The following SLC11A2 variants were observed in gnomAD, a reference collection of about 807,000 sequenced individuals.
The protein encoded by SLC11A2 is solute carrier family 11 member 2, also known as natural resistance-associated macrophage protein 2.
In SLC11A2, 38 loss-of-function variants were observed where a neutral mutation model predicts 68.0. The ratio of observed to expected loss-of-function variants is 0.56; its 90% CI spans 0.43 to 0.73. The LOEUF (loss-of-function observed/expected upper bound fraction) is 0.73, where lower values mean the gene tolerates loss of function less well. SLC11A2 is among the 30% of genes least tolerant of loss of function. The pLI, the probability that SLC11A2 is intolerant of heterozygous loss-of-function variation, is 0.00. For missense variants in SLC11A2, 517 were observed against 690.5 expected (o/e 0.75, Z 2.82); for synonymous variants, 242 against 250.6 (o/e 0.97, Z 0.32).
chr12:50,993,992 C>CAAAAAAAAAAAAAAAAAAAAAAAAA (rs71663850), intron 11 of SLC11A2, among the ~76,000 whole-genome samples: 6 of 48,400 alleles, frequency 1.2e-4, no homozygotes, highest in Admixed American at 3.3e-4. Flanking sequence ...ACCTTGTCTC[C>CAAAAAAAAAAAAAAAAAAAAAAAAA]AAAAAAAAAA....
chr12:50,997,146 C>T (rs144284438), intron 8 of SLC11A2, among the ~76,000 whole-genome samples, 174 bp from the exon 9 acceptor site: 23 of 152,218 alleles, frequency 1.5e-4, no homozygotes, highest in Middle Eastern at 3.4e-3. Flanking sequence ...GGCATGATCA[C>T]AGCTCACTGA....
At chr12:50,980,835 A>G (rs1592282947), downstream of SLC11A2, 1 of 152,320 alleles carries the variant, frequency 6.6e-6, no homozygotes, top group African/African-American at 2.4e-5. Flanking sequence ...AAGAAGATAA[A>G]TATCTTCACT....
downstream of SLC11A2, among the ~76,000 whole-genome samples, chr12:50,976,480 A>G (rs1279396494): frequency 6.6e-6 from 1 of 152,232 alleles, no homozygotes; most frequent in East Asian, 1.9e-4. Flanking sequence ...TTAGGTATTG[A>G]TGGGATGTAT....
chr12:51,007,290 G>C (rs752336048), intron 3 of SLC11A2, among the ~76,000 whole-genome samples: 3 of 152,090 alleles, frequency 2.0e-5, no homozygotes, highest in Non-Finnish European at 4.4e-5. Flanking sequence ...ACTCATATTT[G>C]GCTCAGAATA....
chr12:51,012,968 C>A (rs968135047), intron 1 of SLC11A2, among the ~76,000 whole-genome samples: 1 of 152,184 alleles, frequency 6.6e-6, no homozygotes, highest in African/African-American at 2.4e-5. Context: ...CACAGCACAG[C>A]CCCGACGTTC....
At chr12:50,982,687 T>C (rs112232141), downstream of SLC11A2, among the ~76,000 whole-genome samples, 2,823 of 152,176 alleles carry the variant, frequency 0.019, 76 homozygotes, top group African/African-American at 0.064. Flanking sequence ...CTCATGCCTG[T>C]AATCCCAGCA....
At position 50,986,604 on chromosome 12, in the gene SLC11A2, A is replaced by G. The variant is rs1045371340; in HGVS notation, c.*1721T>C. On this transcript the variant is annotated 3_prime_UTR_variant, in exon 16 of 16. Coordinates refer to ENST00000262052, the MANE Select transcript of SLC11A2 (RefSeq NM_000617.3). ...TTTTGTCGTCAGTTTGGCCTTTCCT[A>G]CTGCAGCCAGGTGAGAGCTTAAGAT... is the stretch of plus-strand genomic sequence containing the variant. The G allele has an allele frequency of 6.2e-6, 8 of 1,286,648 alleles. No individual in the cohort carries two copies. In the African/African-American group the frequency reaches 1.2e-4, roughly 20 times the overall value. The allele number at this position is 1,286,648 out of a possible 1,614,324, so 79.7% of individuals were successfully genotyped here.
downstream of SLC11A2, among the ~76,000 whole-genome samples, chr12:50,974,424 C>G (rs1288029156): frequency 6.6e-6 from 1 of 152,184 alleles, no homozygotes; most frequent in Non-Finnish European, 1.5e-5. Flanking sequence ...AAATACTTTA[C>G]AGACAAGCAA....
At chr12:51,025,607 A>C (rs974946391) in intron 1 of SLC11A2, 2 of 312,600 alleles carry the variant, frequency 6.4e-6, no homozygotes, top group African/African-American at 2.3e-5. Context: ...TGTCACATTT[A>C]AGCGGTAGCT....
chr12:50,992,940 C>T lies in SLC11A2; in HGVS notation c.1078-11G>A. 6.2e-7 allele frequency: 1 copy of T among 1,613,752 alleles called. No individual in the cohort carries two copies. The highest frequency in any genetic ancestry group is 1.1e-5 in the South Asian group (1 of 91,076). ...TCCCAGCACAACACCCTGTGAGAGG[C>T]CAAGAGGAAGGATATGATTGTGGCA... On this transcript the variant is annotated splice_polypyrimidine_tract_variant and intron_variant, in intron 11 of 15. Transcript: ENST00000262052.
At chr12:50,994,977 A>G (rs1194985243) in intron 10 of SLC11A2, 1 of 327,370 alleles carries the variant, frequency 3.1e-6, no homozygotes, top group East Asian at 8.1e-5. Context: ...CAGACAGAGG[A>G]GTCAGAGGTT....
At chr12:51,009,011 T>G (rs1447924228) in intron 2 of SLC11A2, 1 of 731,232 alleles carries the variant, frequency 1.4e-6, no homozygotes, top group Non-Finnish European at 2.3e-6. Flanking sequence ...AAATATCATA[T>G]TCCCAGACCA....
downstream of SLC11A2, among the ~76,000 whole-genome samples, chr12:50,974,913 AG>A (rs1356809439): frequency 6.6e-6 from 1 of 152,364 alleles, no homozygotes; most frequent in East Asian, 1.9e-4. Flanking sequence ...ATAATGGTAA[AG>A]GGATCAATTC....
At chr12:51,024,384 A>C (rs1944242928) in intron 1 of SLC11A2, 1 of 152,272 alleles carries the variant, frequency 6.6e-6, no homozygotes, top group South Asian at 2.1e-4. Flanking sequence ...AATGAAAGTC[A>C]AACAAGAAAG....
At chr12:50,952,736 T>C in the SLC11A2 span, among the ~76,000 whole-genome samples, 1 of 152,188 alleles carries the variant, frequency 6.6e-6, no homozygotes, top group Non-Finnish European at 1.5e-5. Context: ...CGGGCTCTCA[T>C]CGCCTCAGCC....
In SLC11A2 at chr12:51,008,522, T is replaced by C; in HGVS notation, c.137A>G (p.Tyr46Cys). The change falls in exon 3 of 16, where the codon TAC becomes TGC. Residue 46 changes from tyrosine to cysteine, a missense_variant. Transcript: ENST00000262052. ...CTTCTCATTAAAGTAAGTGGCGAAG[T>C]ACTCCTCTGAGTCCCCAGGGGACTG... ...LSQSPGDSEE[Y>C]FATYFNEKIS... The C allele has an allele frequency of 6.2e-7, 1 of 1,613,166 alleles. No homozygotes were observed.
downstream of SLC11A2, among the ~76,000 whole-genome samples, chr12:50,976,475 T>C (rs1201876896): frequency 1.3e-5 from 2 of 152,164 alleles, no homozygotes; most frequent in African/African-American, 4.8e-5. Context: ...ATAAATTAGG[T>C]ATTGATGGGA....
chr12:50,991,081 C>G, intron 14 of SLC11A2, 133 bp from the exon 15 acceptor site: 2 of 836,568 alleles, frequency 2.4e-6, no homozygotes, highest in East Asian at 5.2e-5. Context: ...AAAAATGATT[C>G]TTCATAAGTC....
rs1271498260 is a variant in SLC11A2 at position 51,004,857 on chromosome 12, C to T, written c.360G>A (p.Arg120=). The T allele has an allele frequency of 4.3e-6, 7 of 1,613,998 alleles. No individual in the cohort carries two copies. Among genetic ancestry groups the T allele is most frequent in the Non-Finnish European group, 5.9e-6 (7 of 1,179,970 alleles). ...TAACCACTCCCAGTCTAGCTGCAAG[C>T]CGCTGGAGCAGCAGCCCCACAAGGG... The part of the protein sequence containing the change: ...LATLVGLLLQ[R]LAARLGVVTG... Residue 120 remains arginine (R), a synonymous_variant, in exon 5 of 16, where the codon CGG becomes CGA. Coordinates refer to ENST00000262052, the MANE Select transcript of SLC11A2 (RefSeq NM_000617.3).
Sources: allele counts gnomAD v4.1 joint callset (sites outside exome capture counted in the v4.1 genomes callset), GRCh38; gene constraint gnomAD v4.1.1; transcripts MANE v1.5; gene names NCBI Gene and HGNC (gene_info 2026-07-23, HGNC 2026-07-21).